CPQ: variants seen among roughly 807,000 people sequenced by gnomAD.
CPQ encodes Ser-Met dipeptidase.
In CPQ, 37 loss-of-function variants were observed where a neutral mutation model predicts 45.7. The observed-to-expected ratio is 0.81, with a 90% CI of 0.62 to 1.07. The LOEUF (loss-of-function observed/expected upper bound fraction) is 1.07, where lower values mean the gene tolerates loss of function less well. Ranked by LOEUF, CPQ falls within the 50% of genes least tolerant of loss-of-function variation. CPQ has a pLI of 0.00. For missense variants in CPQ, 537 were observed against 572.9 expected, an observed-to-expected ratio of 0.94 and a Z score of 0.64; for synonymous variants, 186 against 205.8, an observed-to-expected ratio of 0.90 and a Z score of 0.82.
intron 6 of CPQ, among the ~76,000 whole-genome samples, chr8:97,056,781 C>T (rs764573480): frequency 6.6e-6 from 1 of 152,140 alleles, no homozygotes; most frequent in Non-Finnish European, 1.5e-5. Flanking sequence ...TTCAAGTGCC[C>T]GTTAGCTAGG....
At chr8:96,893,963 G>A (rs575801255) in intron 4 of CPQ, among the ~76,000 whole-genome samples, 2 of 152,268 alleles carry the variant, frequency 1.3e-5, no homozygotes, top group Non-Finnish European at 2.9e-5. Flanking sequence ...TATTGCAGAA[G>A]TGCTGGGTTA....
intron 4 of CPQ, among the ~76,000 whole-genome samples, chr8:96,895,773 A>T (rs551811461): frequency 6.6e-6 from 1 of 152,292 alleles, no homozygotes; most frequent in Admixed American, 6.5e-5. Flanking sequence ...GAATGATTGG[A>T]TGGAGAACAT....
intron 7 of CPQ, among the ~76,000 whole-genome samples, chr8:97,072,989 A>T (rs1228157040): frequency 6.6e-6 from 1 of 152,194 alleles, no homozygotes; most frequent in African/African-American, 2.4e-5. Context: ...GATAATGCCA[A>T]TGAGGTTTAT....
chr8:96,775,306 T>C (rs1361075523), intron 1 of CPQ, among the ~76,000 whole-genome samples: 1 of 152,244 alleles, frequency 6.6e-6, no homozygotes, highest in South Asian at 2.1e-4. Context: ...TTGTGTACAT[T>C]TTTAAATAAA....
chr8:96,903,595 A>G (rs1270182500), intron 4 of CPQ, among the ~76,000 whole-genome samples: 1 of 152,170 alleles, frequency 6.6e-6, no homozygotes, highest in East Asian at 1.9e-4. Context: ...ACACTTAAAT[A>G]TATGTCTGAG....
chr8:96,862,284 T>TTGTGTGTGTGTGTG (rs34611818), intron 3 of CPQ, among the ~76,000 whole-genome samples: 6 of 141,098 alleles, frequency 4.3e-5, no homozygotes, highest in Admixed American at 1.4e-4. Context: ...ATTTTTGCAT[T>TTGTGTGTGTGTGTG]TGTGTGTGTG....
At chr8:96,678,495 G>A (rs188614404) in intron 1 of CPQ, among the ~76,000 whole-genome samples, 2 of 152,030 alleles carry the variant, frequency 1.3e-5, no homozygotes, top group African/African-American at 4.8e-5. Context: ...CCTCCATGAT[G>A]TGTTTCATCA....
intron 1 of CPQ, among the ~76,000 whole-genome samples, chr8:96,654,453 G>A (rs1020541032): frequency 6.6e-6 from 1 of 152,076 alleles, no homozygotes; most frequent in Admixed American, 6.5e-5. Context: ...CTTTCATGAT[G>A]TTCTCTCTAT....
At chr8:97,016,612 T>C (rs1226608948) in intron 5 of CPQ, among the ~76,000 whole-genome samples, 5 of 152,054 alleles carry the variant, frequency 3.3e-5, no homozygotes, top group Admixed American at 6.6e-5. Context: ...AAAATGAAAA[T>C]AGAGTTATGC....
intron 4 of CPQ, among the ~76,000 whole-genome samples, chr8:96,951,961 A>T (rs991108229): frequency 2.0e-5 from 3 of 152,070 alleles, no homozygotes; most frequent in Non-Finnish European, 2.9e-5. Context: ...CATGATAAAC[A>T]AGTCATCTCA....
At chr8:96,715,367 G>A (rs1285834684) in intron 1 of CPQ, among the ~76,000 whole-genome samples, 2 of 152,166 alleles carry the variant, frequency 1.3e-5, no homozygotes, top group South Asian at 4.1e-4. Flanking sequence ...ATTCACATCA[G>A]ACAGGTGCCT....
chr8:96,795,700 A>G (rs1810918575), intron 2 of CPQ, among the ~76,000 whole-genome samples: 1 of 152,068 alleles, frequency 6.6e-6, no homozygotes, highest in East Asian at 1.9e-4. Flanking sequence ...GTTATTGGAA[A>G]CTAGATTATT....
At chr8:96,647,687 G>C (rs1815533279) in intron 1 of CPQ, among the ~76,000 whole-genome samples, 2 of 152,170 alleles carry the variant, frequency 1.3e-5, no homozygotes, top group African/African-American at 2.4e-5. Context: ...TTTAGAATGA[G>C]AGCACAGGGT....
intron 5 of CPQ, among the ~76,000 whole-genome samples, chr8:97,005,624 A>G (rs1000401244): frequency 6.6e-6 from 1 of 152,252 alleles, no homozygotes; most frequent in South Asian, 2.1e-4. Flanking sequence ...AACATTTAAG[A>G]GCGTGAAAGG....
In CPQ at chr8:96,755,484, T is replaced by G. The variant is rs537564311; in HGVS notation, c.-34-29380T>G. ...ATTAAAATACTTATTCATAGGACAT[T>G]TTTTGTTATTAATTTCTAGTTTTGC... On this transcript the variant is annotated intron_variant, in intron 1 of 7. Transcript: ENST00000220763. Among the ~76,000 whole-genome samples the G allele has an allele frequency of 1.2e-4, 18 of 152,026 alleles. No homozygotes were observed. In the East Asian group the frequency reaches 3.3e-3, roughly 28 times the overall value.
chr8:97,029,294 T>C, intron 5 of CPQ, 109 bp from the exon 6 acceptor site: 1 of 1,021,146 alleles, frequency 9.8e-7, no homozygotes, highest in Non-Finnish European at 1.4e-6. Flanking sequence ...GAGAGTTGAA[T>C]GCCTCTGATT....
chr8:96,727,665 G>A (rs928958553), intron 1 of CPQ, among the ~76,000 whole-genome samples: 2 of 152,000 alleles, frequency 1.3e-5, no homozygotes, highest in Non-Finnish European at 2.9e-5. Flanking sequence ...TTTGACAGCT[G>A]AGAGCTCCTT....
chr8:96,891,424 A>T (rs1812374762), intron 4 of CPQ, among the ~76,000 whole-genome samples: 1 of 152,220 alleles, frequency 6.6e-6, no homozygotes, highest in Non-Finnish European at 1.5e-5. Flanking sequence ...GGCACTCAGC[A>T]GTGGCTGTAG....
chr8:96,716,452 T>C (rs1250819970), intron 1 of CPQ, among the ~76,000 whole-genome samples: 2 of 152,232 alleles, frequency 1.3e-5, no homozygotes, highest in African/African-American at 4.8e-5. Context: ...ACTACTACAC[T>C]GAATGTGTAT....
Sources: gnomAD v4.1 joint callset for allele counts (sites outside exome capture counted in the v4.1 genomes callset) on GRCh38, gnomAD v4.1.1 for gene constraint, MANE v1.5 for transcripts, NCBI Gene and HGNC (gene_info 2026-07-23, HGNC 2026-07-21) for gene names.